The following SIAH1 variants were observed in gnomAD, a reference collection of about 807,000 sequenced individuals.
The protein encoded by SIAH1 is siah E3 ubiquitin protein ligase 1, also known as E3 ubiquitin-protein ligase SIAH1.
Under a neutral mutation model 20.0 loss-of-function variants are expected in SIAH1, and 2 were observed. That is an observed-to-expected ratio of 0.10 (90% CI 0.04 to 0.31). The LOEUF (loss-of-function observed/expected upper bound fraction) is 0.31. SIAH1 is among the 10% of genes least tolerant of loss of function. The pLI, the probability that SIAH1 is intolerant of heterozygous loss-of-function variation, is 1.00. For missense variants in SIAH1, 119 were observed against 355.3 expected (o/e 0.33, Z 5.35); for synonymous variants, 118 against 125.3 (o/e 0.94, Z 0.39).
At chr16:48,377,020 G>A (rs374517756) in intron 1 of SIAH1, among the ~76,000 whole-genome samples, 1 of 152,190 alleles carries the variant, frequency 6.6e-6, no homozygotes, top group East Asian at 1.9e-4. Context: ...TATATTTACT[G>A]TATCAACCAT....
chr16:48,372,849 T>C (rs1034389758), intron 1 of SIAH1, among the ~76,000 whole-genome samples: 2 of 152,186 alleles, frequency 1.3e-5, no homozygotes, highest in Admixed American at 6.5e-5. Flanking sequence ...GTATCCAATA[T>C]TTTAGTGAAT....
chr16:48,362,726 A>C lies in SIAH1; in HGVS notation c.-2-296T>G. 7.2e-6 allele frequency: 2 copies of C among 277,382 alleles called. No individual in the cohort carries two copies. The highest frequency in any genetic ancestry group is 7.3e-6 in the Non-Finnish European group (1 of 136,684). 17.2% of individuals were successfully genotyped at this position (277,382 alleles called of 1,614,324 possible). A position where few individuals can be genotyped will look rare whatever the true frequency, so the allele number is the denominator to read the frequency against. On this transcript the variant is annotated intron_variant, in intron 1 of 1. Transcript: ENST00000394725. This position sits in a 1 kb window ranked among gnomAD's most constrained non-coding sequence, Gnocchi z 4.2. ...AGAATAATAAATGCTAAAATAGAAA[A>C]TGGACCATAAACAACTAAAGAAACT...
intron 1 of SIAH1, among the ~76,000 whole-genome samples, chr16:48,370,805 C>CAAAAAA (rs79073186): frequency 1.1e-3 from 138 of 125,326 alleles, no homozygotes; most frequent in African/African-American, 3.7e-3. Context: ...GACTCCATCT[C>CAAAAAA]AAAAAAAAAA....
chr16:48,368,330 T>G lies in SIAH1; in HGVS notation c.-2-5900A>C, dbSNP rs78837466. On this transcript the variant is annotated intron_variant, in intron 1 of 1. Coordinates refer to ENST00000394725, the MANE Select transcript of SIAH1 (RefSeq NM_003031.4). ...ACTGCTTTATAAAGATTAGTCTGAT[T>G]AACAACTGTGAAAACAGTCAAAATG... is the stretch of plus-strand genomic sequence containing the variant. Among the ~76,000 whole-genome samples the G allele has an allele frequency of 2.0e-3, 306 of 152,304 alleles. 2 individuals are homozygous for G. In the East Asian group the frequency reaches 0.031, roughly 15 times the overall value.
At chr16:48,382,406 A>G (rs1961321759) in intron 1 of SIAH1, among the ~76,000 whole-genome samples, 1 of 152,122 alleles carries the variant, frequency 6.6e-6, no homozygotes. Context: ...ATAAAAATAA[A>G]GATCTGAATG....
chr16:48,361,484 C>A lies in SIAH1; in HGVS notation c.*96G>T. On this transcript the variant is annotated 3_prime_UTR_variant, in exon 2 of 2. Transcript: ENST00000394725. ...TTACCTTCATGTGTCTAGCTTCCAC[C>A]TACCGAAAGAGTTTTAGGTTGGCAG... is the stretch of plus-strand genomic sequence containing the variant. 14 of 1,256,852 alleles carry A rather than the reference C, an allele frequency of 1.1e-5. No individual in the cohort carries two copies. Among genetic ancestry groups the A allele is most frequent in the Non-Finnish European group, 1.6e-5 (14 of 873,388 alleles). The allele number at this position is 1,256,852 out of a possible 1,614,324, so 77.9% of individuals were successfully genotyped here.
chr16:48,372,883 C>T (rs151319591), intron 1 of SIAH1, among the ~76,000 whole-genome samples: 60 of 152,250 alleles, frequency 3.9e-4, no homozygotes, highest in African/African-American at 1.4e-3. Flanking sequence ...TTCAATGGTT[C>T]TGTGGTTTTG....
chr16:48,379,872 CAAG>C (rs999479152), intron 1 of SIAH1, among the ~76,000 whole-genome samples: 10 of 152,230 alleles, frequency 6.6e-5, no homozygotes, highest in Non-Finnish European at 1.2e-4. Context: ...AGGGGAGTAA[CAAG>C]AGAGGCCAGC....
intron 1 of SIAH1, among the ~76,000 whole-genome samples, chr16:48,379,542 G>A (rs1226485045): frequency 6.6e-6 from 1 of 152,174 alleles, no homozygotes; most frequent in Non-Finnish European, 1.5e-5. Flanking sequence ...AGTTTAATAA[G>A]GACAGTGTGG....
chr16:48,371,452 A>C (rs538194956), intron 1 of SIAH1, among the ~76,000 whole-genome samples: 1 of 152,248 alleles, frequency 6.6e-6, no homozygotes, highest in Non-Finnish European at 1.5e-5. Flanking sequence ...TAAACTTCCT[A>C]AAGTCTTTAA....
At chr16:48,381,013 C>A (rs907065014) in intron 1 of SIAH1, among the ~76,000 whole-genome samples, 9 of 150,680 alleles carry the variant, frequency 6.0e-5, no homozygotes, top group Admixed American at 6.6e-5. Flanking sequence ...CAGGAACGCT[C>A]ATTCATTGCT....
At position 48,366,012 on chromosome 16, in the gene SIAH1, G is replaced by A. The variant is rs368391879; in HGVS notation, c.-2-3582C>T. ...GCGCGCGGCGCACAGGGCGATGCCCGTCTTGCTCGCGCAAGGGTGGGGCCG... is the reference window on the plus strand; with the variant it reads ...GCGCGCGGCGCACAGGGCGATGCCCATCTTGCTCGCGCAAGGGTGGGGCCG... On this transcript the variant is annotated intron_variant, in intron 1 of 1. Coordinates refer to ENST00000394725, the MANE Select transcript of SIAH1 (RefSeq NM_003031.4). The A allele has an allele frequency of 3.3e-4, 228 of 685,704 alleles. 1 individual carries two copies. The African/African-American group carries it at 3.7e-3, about 11-fold the overall frequency. 42.5% of individuals were successfully genotyped at this position (685,704 alleles called of 1,614,324 possible).
At chr16:48,370,092 T>C (rs1960945687) in intron 1 of SIAH1, among the ~76,000 whole-genome samples, 1 of 152,182 alleles carries the variant, frequency 6.6e-6, no homozygotes. Flanking sequence ...CTAATGCCAT[T>C]TTCATTCTCA....
chr16:48,382,121 A>C (rs1597034545), intron 1 of SIAH1, among the ~76,000 whole-genome samples: 2 of 152,226 alleles, frequency 1.3e-5, no homozygotes, highest in Admixed American at 1.3e-4. Flanking sequence ...TCACACCTGT[A>C]ATCTCAGCAC....
In SIAH1 at chr16:48,360,669, A is replaced by G. The variant is rs1328830938; in HGVS notation, c.*911T>C. ...GACGATGCCTTCTTCTGCAAAACCA[A>G]TAAATACAAGAACAAATTTTAAAAT... On this transcript the variant is annotated 3_prime_UTR_variant, in exon 2 of 2. Coordinates refer to ENST00000394725, the MANE Select transcript of SIAH1 (RefSeq NM_003031.4). 2.0e-5 allele frequency: 3 copies of G among 152,652 alleles called. No individual in the cohort carries two copies. The highest frequency in any genetic ancestry group is 4.1e-4 in the South Asian group (2 of 4,832). The allele number at this position is 152,652 out of a possible 1,614,324, so 9.5% of individuals were successfully genotyped here.
intron 1 of SIAH1, chr16:48,365,373 C>T (rs754722751): frequency 6.2e-7 from 1 of 1,613,620 alleles, no homozygotes; most frequent in African/African-American, 1.3e-5. Context: ...AAACCATCCT[C>T]TTAATGTCAA....
At chr16:48,376,436 T>C (rs1299899365) in intron 1 of SIAH1, among the ~76,000 whole-genome samples, 1 of 152,144 alleles carries the variant, frequency 6.6e-6, no homozygotes, top group Non-Finnish European at 1.5e-5. Context: ...AAAACCAGCC[T>C]ATTCACAAAA....
At chr16:48,376,677 A>ATGATATTTTCATAAAATTTCAT (rs1159320930) in intron 1 of SIAH1, among the ~76,000 whole-genome samples, 1 of 152,104 alleles carries the variant, frequency 6.6e-6, no homozygotes, top group East Asian at 1.9e-4. Context: ...TAAACATTTT[A>ATGATATTTTCATAAAATTTCAT]AAAGTTAACA....
At chr16:48,373,303 T>A (rs2151051076) in intron 1 of SIAH1, among the ~76,000 whole-genome samples, 1 of 152,282 alleles carries the variant, frequency 6.6e-6, no homozygotes. Context: ...AACCCCAGAT[T>A]TGTAAATCCA....
Sources: gnomAD v4.1 joint callset for allele counts (sites outside exome capture counted in the v4.1 genomes callset) on GRCh38, gnomAD v4.1.1 for gene constraint, Gnocchi (gnomAD v3.1) non-coding constraint, MANE v1.5 for transcripts, NCBI Gene and HGNC (gene_info 2026-07-23, HGNC 2026-07-21) for gene names.